Variants in USP24 observed in about 807,000 individuals in gnomAD.
USP24 encodes the protein ubiquitin specific peptidase 24.
Under a neutral mutation model 361.6 loss-of-function variants are expected in USP24, and 97 were observed. The observed-to-expected ratio is 0.27, with a 90% confidence interval of 0.23 to 0.32. USP24 has a LOEUF of 0.32. Among genes scored for constraint, USP24 ranks in the 10% least tolerant of loss-of-function variants. The pLI is 1.00. For missense variants in USP24, 2,353 were observed against 3,165.6 expected (o/e 0.74, Z 6.16); for synonymous variants, 1,098 against 1,124.6 (o/e 0.98, Z 0.47).
rs1370680100 is a variant in USP24, at chr1:55,072,821, G to A, written c.7567C>T (p.His2523Tyr). 2.5e-6 allele frequency: 4 copies of A among 1,607,718 alleles called. No individual in the cohort carries two copies. The highest frequency in any genetic ancestry group is 3.4e-6 in the Non-Finnish European group (4 of 1,177,168). Residue 2523 changes from histidine to tyrosine, a missense_variant, in exon 65 of 68, where the codon CAC becomes TAC. This residue lies in a region of USP24 where 598 missense variants were observed against 761.9 expected (regional missense o/e 0.78). Transcript: ENST00000294383. The part of the protein sequence containing the change: ...AKEYFKENSH[H>Y]WSWAVQWLQK... ...AGCCACTGCACAGCCCAGCTCCAGT[G>A]GTGGGAATTCTCCTTGAAGTACTCC...
At chr1:55,140,459 C>T (rs1037131232) in intron 24 of USP24, among the ~76,000 whole-genome samples, 1 of 152,078 alleles carries the variant, frequency 6.6e-6, no homozygotes, top group Non-Finnish European at 1.5e-5. Context: ...TGTTAGTGTT[C>T]TTATCATGAG....
rs1449516362 is a variant in USP24 at position 55,178,143 on chromosome 1, G to A, written c.325-11C>T. Reference sequence around the variant, plus strand: ...ATTCTCATCATTCTTCTGACGAAAAGGGATTAAGATAAAAAGCAAATAAAA... The same window carrying A: ...ATTCTCATCATTCTTCTGACGAAAAAGGATTAAGATAAAAAGCAAATAAAA... On this transcript the variant is annotated splice_polypyrimidine_tract_variant and intron_variant, in intron 1 of 67. Coordinates refer to ENST00000294383, the MANE Select transcript of USP24 (RefSeq NM_015306.3). The A allele has an allele frequency of 1.3e-6, 2 of 1,507,446 alleles. No individual in the cohort carries two copies. Among genetic ancestry groups the A allele is most frequent in the African/African-American group, 1.7e-5 (1 of 60,070 alleles). The allele number at this position is 1,507,446 out of a possible 1,614,324, so 93.4% of individuals were successfully genotyped here.
intron 42 of USP24, among the ~76,000 whole-genome samples, 173 bp from the exon 43 acceptor site, chr1:55,101,876 T>C (rs573393816): frequency 4.6e-5 from 7 of 152,376 alleles, no homozygotes; most frequent in South Asian, 4.1e-4. Context: ...GATGCTGATA[T>C]AATTATCAAA....
chr1:55,196,514 C>T (rs547016437), intron 1 of USP24, among the ~76,000 whole-genome samples: 3 of 152,054 alleles, frequency 2.0e-5, no homozygotes, highest in South Asian at 2.1e-4. Context: ...AACCAATTTC[C>T]GCCCCCCCAA....
chr1:55,099,962 A>C, intron 44 of USP24, 93 bp from the exon 45 acceptor site: 5 of 891,654 alleles, frequency 5.6e-6, no homozygotes, highest in Non-Finnish European at 8.5e-6. Flanking sequence ...AATGCTTATA[A>C]AAATCAGGTT....
At chr1:55,088,730 G>A (rs1645306315) in intron 55 of USP24, among the ~76,000 whole-genome samples, 1 of 152,164 alleles carries the variant, frequency 6.6e-6, no homozygotes, top group African/African-American at 2.4e-5. Context: ...GGCAGTGCTT[G>A]CTGGAACCCC....
intron 38 of USP24, among the ~76,000 whole-genome samples, chr1:55,111,637 T>C (rs1645957473): frequency 6.6e-6 from 1 of 152,118 alleles, no homozygotes; most frequent in Non-Finnish European, 1.5e-5. Context: ...GAAGCCATTC[T>C]CTGAAATATC....
intron 1 of USP24, among the ~76,000 whole-genome samples, chr1:55,183,531 G>C (rs1434828049): frequency 6.6e-6 from 1 of 152,078 alleles, no homozygotes; most frequent in Non-Finnish European, 1.5e-5. Flanking sequence ...AAAGAAACAA[G>C]GGAATTAAAA....
chr1:55,158,106 G>A (rs746637618), intron 10 of USP24, among the ~76,000 whole-genome samples: 1 of 152,244 alleles, frequency 6.6e-6, no homozygotes, highest in Non-Finnish European at 1.5e-5. Context: ...CCAAATGCAG[G>A]TAGAGAGGCA....
At position 55,209,087 on chromosome 1, in the gene USP24, A is replaced by T. The variant is rs565121085; in HGVS notation, c.324+5703T>A. The stretch of plus-strand genomic sequence containing the variant: ...TAAAGAAAATGAAAAATACAAGCTT[A>T]AAAAAGGAAGTAAAACTCCCTAGAA... On this transcript the variant is annotated intron_variant, in intron 1 of 67. Transcript: ENST00000294383. Among the ~76,000 whole-genome samples the T allele has an allele frequency of 3.9e-5, 6 of 152,294 alleles. No individual in the cohort carries two copies. The South Asian group carries it at 8.3e-4, about 21-fold the overall frequency.
At chr1:55,089,478 T>G (rs1435734169) in intron 55 of USP24, 149 bp downstream of exon 55, 13 of 608,810 alleles carry the variant, frequency 2.1e-5, no homozygotes, top group Non-Finnish European at 3.7e-5. Context: ...CCTGAATTAT[T>G]TCCTCACTGT....
At position 55,141,750 on chromosome 1, in the gene USP24, T is replaced by G. The variant is rs777533256; in HGVS notation, c.2635-19A>C. On this transcript the variant is annotated intron_variant, in intron 23 of 67. Transcript: ENST00000294383. Reference sequence around the variant, plus strand: ...TGGCTGCCTAAAAAATACCAAACAGTCATTCTCTATCAGGGTTTCTCAACC... The same window carrying G: ...TGGCTGCCTAAAAAATACCAAACAGGCATTCTCTATCAGGGTTTCTCAACC... 2.5e-6 allele frequency: 4 copies of G among 1,574,340 alleles called. No individual in the cohort carries two copies. Among genetic ancestry groups the G allele is most frequent in the Non-Finnish European group, 1.7e-6 (2 of 1,156,970 alleles).
At chr1:55,145,864 G>T (rs1647015222) in intron 20 of USP24, 134 bp downstream of exon 20, 1 of 624,168 alleles carries the variant, frequency 1.6e-6, no homozygotes, top group Non-Finnish European at 2.7e-6. Flanking sequence ...TATGTCTTTA[G>T]ATGCACAAGA....
chr1:55,142,891 C>T, intron 22 of USP24, 88 bp downstream of exon 22: 2 of 1,425,826 alleles, frequency 1.4e-6, no homozygotes, highest in South Asian at 1.4e-5. Context: ...AATTTTTGGT[C>T]ATGCCAAGGA....
intron 15 of USP24, 59 bp downstream of exon 15, chr1:55,154,060 T>A: frequency 6.2e-7 from 1 of 1,605,300 alleles, no homozygotes; most frequent in Non-Finnish European, 8.5e-7. Context: ...TATTTGGCTC[T>A]AATTACTCAG....
intron 16 of USP24, among the ~76,000 whole-genome samples, chr1:55,148,805 C>T (rs1341163536): frequency 6.6e-6 from 1 of 152,160 alleles, no homozygotes; most frequent in African/African-American, 2.4e-5. Flanking sequence ...TGTGAAGTGA[C>T]AGTAAATGTA....
At chr1:55,188,964 CAAAAAAAAAAAAAAAAAAAAAAA>C (rs533085761) in intron 1 of USP24, among the ~76,000 whole-genome samples, 2 of 74,418 alleles carry the variant, frequency 2.7e-5, no homozygotes, top group South Asian at 9.8e-4. Flanking sequence ...AACTCCATCT[CAAAAAAAAAAAAAAAAAAAAAAA>C]AAAAAAAAGA....
In USP24 at chr1:55,145,412, C is replaced by T. The variant is rs369705404; in HGVS notation, c.2362+586G>A. Among the ~76,000 whole-genome samples, 161 of 152,248 alleles carry T rather than the reference C, an allele frequency of 1.1e-3. 1 individual carries two copies. Among genetic ancestry groups the T allele is most frequent in the Non-Finnish European group, 2.9e-4 (20 of 68,018 alleles). On this transcript the variant is annotated intron_variant, in intron 20 of 67. Coordinates refer to ENST00000294383, the MANE Select transcript of USP24 (RefSeq NM_015306.3). ...TTAGTACAATGAAAGAAGCCAGAGA[C>T]GACAGATCACAGTGTATGACTCCAT...
At chr1:55,112,044 T>TA (rs1645970522) in intron 38 of USP24, among the ~76,000 whole-genome samples, 1 of 151,972 alleles carries the variant, frequency 6.6e-6, no homozygotes, top group Non-Finnish European at 1.5e-5. Flanking sequence ...ACAGAGGTAT[T>TA]AAAAAAAGTC....
Sources: gnomAD v4.1 joint callset for allele counts (sites outside exome capture counted in the v4.1 genomes callset) on GRCh38, gnomAD v4.1.1 for gene constraint, gnomAD v4.1.1 regional missense constraint, MANE v1.5 for transcripts, NCBI Gene and HGNC (gene_info 2026-07-23, HGNC 2026-07-21) for gene names.